MAN2A1: variants seen among roughly 807,000 people sequenced by gnomAD.
The protein encoded by MAN2A1 is mannosidase alpha class 2A member 1.
MAN2A1 carries 76 observed loss-of-function variants against 142.6 expected under a neutral mutation model. That is an observed-to-expected ratio of 0.53 (90% CI 0.44 to 0.65). MAN2A1 has a LOEUF of 0.65. MAN2A1 is among the 30% of genes least tolerant of loss of function. The probability of loss-of-function intolerance (pLI) is 0.00; values close to 1 mark genes in which losing one functional copy is unlikely to be tolerated. For synonymous variants in MAN2A1, 559 were observed against 473.2 expected, an observed-to-expected ratio of 1.18 and a Z score of -2.35; for missense variants, 1,311 against 1,365.1, an observed-to-expected ratio of 0.96 and a Z score of 0.62.
At chr5:109,839,997 T>G (rs1739981761) in intron 16 of MAN2A1, 1 of 153,528 alleles carries the variant, frequency 6.5e-6, no homozygotes, top group Non-Finnish European at 1.4e-5. Flanking sequence ...CACTAACACA[T>G]GCTAGGAGGC....
At chr5:109,830,739 A>G (rs902480618) in intron 16 of MAN2A1, among the ~76,000 whole-genome samples, 27 of 152,234 alleles carry the variant, frequency 1.8e-4, no homozygotes, top group Admixed American at 1.7e-3. Context: ...ATATCATAAT[A>G]TGCAATTGAC....
In MAN2A1 at chr5:109,690,500, G is replaced by T; in HGVS notation, c.83G>T (p.Arg28Leu). Residue 28 changes from arginine (R) to leucine (L), a missense_variant, in exon 1 of 22, where the codon CGG becomes CTG. Physicochemically the swap from Arg to Leu is moderately radical, Grantham distance 102. Coordinates refer to ENST00000261483, the MANE Select transcript of MAN2A1 (RefSeq NM_002372.4). ...TTCTCGCTCTACCTGATGCTGGACC[G>T]GGGTCACTTAGACTACCCCAGGAAC... ...VIFSLYLMLDRGHLDYPRNPR... is the reference protein window; with the variant it reads ...VIFSLYLMLDLGHLDYPRNPR... 6.2e-7 allele frequency: 1 copy of T among 1,613,688 alleles called. No homozygotes were observed.
chr5:109,769,018 A>G (rs573320362), intron 6 of MAN2A1, among the ~76,000 whole-genome samples: 12 of 152,338 alleles, frequency 7.9e-5, no homozygotes, highest in African/African-American at 2.6e-4. Flanking sequence ...AGCCAAATGT[A>G]GCAGATAAAA....
At chr5:109,799,383 C>G (rs1753953900) in intron 12 of MAN2A1, among the ~76,000 whole-genome samples, 2 of 152,152 alleles carry the variant, frequency 1.3e-5, no homozygotes, top group African/African-American at 4.8e-5. Flanking sequence ...CACAAAAATT[C>G]AGAGAACTAT....
At chr5:109,726,953 A>G (rs1449330968) in intron 3 of MAN2A1, among the ~76,000 whole-genome samples, 1 of 152,226 alleles carries the variant, frequency 6.6e-6, no homozygotes, top group Middle Eastern at 3.2e-3. Context: ...CATTTCATTT[A>G]CATGGTCCTT....
intron 4 of MAN2A1, among the ~76,000 whole-genome samples, chr5:109,733,959 C>T (rs1218924769): frequency 6.6e-6 from 1 of 152,100 alleles, no homozygotes; most frequent in Non-Finnish European, 1.5e-5. Context: ...CCTTGTACTT[C>T]TGGTAGAATT....
chr5:109,800,708 A>C (rs1233259094), intron 12 of MAN2A1, among the ~76,000 whole-genome samples: 1 of 152,196 alleles, frequency 6.6e-6, no homozygotes, highest in Non-Finnish European at 1.5e-5. Flanking sequence ...ATTTTAACTT[A>C]AGTTTTTATG....
intron 12 of MAN2A1, among the ~76,000 whole-genome samples, chr5:109,815,281 C>T (rs1299067786): frequency 6.6e-6 from 1 of 152,176 alleles, no homozygotes; most frequent in East Asian, 1.9e-4. Context: ...ATTGACAAAT[C>T]TCTGAGGTAA....
At chr5:109,839,649 C>CTTT (rs34820879) in intron 16 of MAN2A1, among the ~76,000 whole-genome samples, 4 of 109,846 alleles carry the variant, frequency 3.6e-5, no homozygotes, top group Admixed American at 9.6e-5. Context: ...CTGTCTCTCT[C>CTTT]TTTTTTTTTT....
chr5:109,836,933 A>G (rs1337353343), intron 16 of MAN2A1, among the ~76,000 whole-genome samples: 4 of 152,052 alleles, frequency 2.6e-5, no homozygotes, highest in Non-Finnish European at 4.4e-5. Context: ...TTATCATGCT[A>G]TACAAATGCT....
chr5:109,770,248 C>T (rs1582879582), intron 6 of MAN2A1, 107 bp from the exon 7 acceptor site: 1 of 1,026,276 alleles, frequency 9.7e-7, no homozygotes, highest in East Asian at 2.4e-5. Flanking sequence ...GCTGATTTAG[C>T]ACAGAGCTAA....
chr5:109,851,618 A>G (rs1401038745), intron 19 of MAN2A1, among the ~76,000 whole-genome samples: 5 of 152,156 alleles, frequency 3.3e-5, no homozygotes, highest in African/African-American at 7.2e-5. Flanking sequence ...TGTGAGCTGA[A>G]TAAACTTCTT....
chr5:109,752,565 T>G (rs1245241232), intron 4 of MAN2A1, among the ~76,000 whole-genome samples: 1 of 151,020 alleles, frequency 6.6e-6, no homozygotes, highest in Non-Finnish European at 1.5e-5. Context: ...TAATTTTGGT[T>G]TCTGATAAAG....
intron 1 of MAN2A1, among the ~76,000 whole-genome samples, chr5:109,710,720 C>T (rs563638818): frequency 1.8e-4 from 27 of 151,220 alleles, no homozygotes; most frequent in Non-Finnish European, 3.2e-4. Context: ...GACCAAGTTT[C>T]GCTCTTGTTG....
At chr5:109,834,975 T>G (rs973861204) in intron 16 of MAN2A1, among the ~76,000 whole-genome samples, 14 of 151,526 alleles carry the variant, frequency 9.2e-5, no homozygotes, top group South Asian at 4.2e-4. Context: ...TAAGTACAGT[T>G]TTTTTTTTAA....
At chr5:109,707,813 A>AT (rs1414868792) in intron 1 of MAN2A1, among the ~76,000 whole-genome samples, 1 of 152,126 alleles carries the variant, frequency 6.6e-6, no homozygotes, top group Non-Finnish European at 1.5e-5. Flanking sequence ...CAATGTTTTG[A>AT]TTTTGAGGGT....
chr5:109,791,619 C>T (rs1753739498), intron 12 of MAN2A1, among the ~76,000 whole-genome samples: 1 of 151,778 alleles, frequency 6.6e-6, no homozygotes, highest in South Asian at 2.1e-4. Context: ...ATAAACCATG[C>T]ATTCTCGATG....
chr5:109,798,016 G>C (rs1753909643), intron 12 of MAN2A1, among the ~76,000 whole-genome samples: 1 of 152,126 alleles, frequency 6.6e-6, no homozygotes, highest in Non-Finnish European at 1.5e-5. Context: ...CAGTTCAGCT[G>C]ACTGATAGAT....
Position 109,868,691 on chromosome 5 carries a change from G to A in MAN2A1, c.*1693G>A, listed in dbSNP as rs973417298. ...ACCAGTGTTGATAAAGATATTACAA[G>A]GGGTAATTTCATGCAATAAACATGT... On this transcript the variant is annotated 3_prime_UTR_variant, in exon 22 of 22. Transcript: ENST00000261483. 4 of 152,056 alleles carry A rather than the reference G, an allele frequency of 2.6e-5. No individual in the cohort carries two copies. The highest frequency in any genetic ancestry group is 6.5e-5 in the Admixed American group (1 of 15,268). 9.4% of individuals were successfully genotyped at this position (152,056 alleles called of 1,614,324 possible).
Sources: allele counts gnomAD v4.1 joint callset (sites outside exome capture counted in the v4.1 genomes callset), GRCh38; gene constraint gnomAD v4.1.1; transcripts MANE v1.5; gene names NCBI Gene and HGNC (gene_info 2026-07-23, HGNC 2026-07-21).